XKR9: variants seen among roughly 807,000 people sequenced by gnomAD.
XKR9 encodes the protein XK-related protein 9.
XKR9 carries 32 observed loss-of-function variants against 32.0 expected under a neutral mutation model. The ratio of observed to expected loss-of-function variants is 1.00; its 90% CI spans 0.76 to 1.34. The LOEUF (loss-of-function observed/expected upper bound fraction) is 1.34. XKR9 is among the 40% of genes most tolerant of loss of function. The pLI is 0.00. For missense variants in XKR9, 546 were observed against 429.7 expected, an observed-to-expected ratio of 1.27 and a Z score of -2.39; for synonymous variants, 168 against 143.4, an observed-to-expected ratio of 1.17 and a Z score of -1.22.
At chr8:70,835,823 T>C in the XKR9 span, among the ~76,000 whole-genome samples, 1 of 152,098 alleles carries the variant, frequency 6.6e-6, no homozygotes, top group African/African-American at 2.4e-5. Context: ...TGAGAGATTC[T>C]AGAGAAGATT....
At chr8:70,798,773 C>A in the XKR9 span, among the ~76,000 whole-genome samples, 39 of 152,200 alleles carry the variant, frequency 2.6e-4, no homozygotes, top group African/African-American at 9.4e-4. Context: ...CATGGCTAGC[C>A]AGTTATCCTA....
chr8:70,831,147 C>T, the XKR9 span, among the ~76,000 whole-genome samples: 14 of 151,944 alleles, frequency 9.2e-5, no homozygotes, highest in East Asian at 5.8e-4. Flanking sequence ...GAAAATTAGC[C>T]GGATGTGGTG....
chr8:70,905,555 T>A, the XKR9 span, among the ~76,000 whole-genome samples: 2 of 152,220 alleles, frequency 1.3e-5, no homozygotes, highest in East Asian at 3.9e-4. Flanking sequence ...TTCCTTGTGA[T>A]GAGTTCAGAC....
chr8:70,904,046 G>A, the XKR9 span, among the ~76,000 whole-genome samples: 1,125 of 152,198 alleles, frequency 7.4e-3, 14 homozygotes, highest in African/African-American at 0.022. Context: ...CAACTATGTC[G>A]TCAATATTGG....
At chr8:70,873,031 C>G in the XKR9 span, among the ~76,000 whole-genome samples, 2 of 152,120 alleles carry the variant, frequency 1.3e-5, no homozygotes, top group African/African-American at 2.4e-5. Flanking sequence ...AAGATTGGTG[C>G]TGAATTGACT....
chr8:70,857,152 A>C, the XKR9 span, among the ~76,000 whole-genome samples: 9,565 of 152,224 alleles, frequency 0.063, 419 homozygotes, highest in Non-Finnish European at 0.089. Flanking sequence ...ATAGAGACAC[A>C]AAAAACCCTT....
intron 2 of XKR9, among the ~76,000 whole-genome samples, chr8:70,769,863 T>G (rs1191918905): frequency 6.6e-6 from 1 of 152,098 alleles, no homozygotes; most frequent in Non-Finnish European, 1.5e-5. Flanking sequence ...GGTTCTTAGC[T>G]TCCTTGCATT....
the XKR9 span, among the ~76,000 whole-genome samples, chr8:70,818,841 A>G: frequency 6.6e-6 from 1 of 152,228 alleles, no homozygotes; most frequent in East Asian, 1.9e-4. Context: ...GCAGTTTGGC[A>G]AGACCAAGTC....
intron 3 of XKR9, among the ~76,000 whole-genome samples, chr8:70,702,044 C>T (rs1805556029): frequency 1.3e-5 from 2 of 152,078 alleles, no homozygotes; most frequent in African/African-American, 4.8e-5. Flanking sequence ...AGTTGAATCT[C>T]CCTCCTCCCA....
intron 2 of XKR9, among the ~76,000 whole-genome samples, chr8:70,752,661 C>A (rs1807158718): frequency 6.6e-6 from 1 of 152,140 alleles, no homozygotes; most frequent in Non-Finnish European, 1.5e-5. Context: ...CAAACCATAG[C>A]AAAGTCCAAT....
chr8:70,753,447 G>C lies in XKR9; in HGVS notation n.353-35892G>C, dbSNP rs1459745103. ...AGCATCATCCGGATACCAAAGCCTG[G>C]CAGAGACACAACCAAAAAAGAGAAT... On this transcript the variant is annotated intron_variant and non_coding_transcript_variant, in intron 2 of 3. Transcript: ENST00000520273. Among the ~76,000 whole-genome samples, 4 of 152,206 alleles carry C rather than the reference G, an allele frequency of 2.6e-5. No homozygotes were observed. The East Asian group carries it at 7.7e-4, about 29-fold the overall frequency.
chr8:70,708,211 T>TA (rs1805788170), intron 4 of XKR9, among the ~76,000 whole-genome samples: 1 of 152,060 alleles, frequency 6.6e-6, no homozygotes, highest in Non-Finnish European at 1.5e-5. Context: ...TTCTATATGA[T>TA]ACGGAACCCT....
the XKR9 span, among the ~76,000 whole-genome samples, chr8:71,004,339 A>T: frequency 0.42 from 64,534 of 151,982 alleles, 14,745 homozygotes; most frequent in Non-Finnish European, 0.52. Flanking sequence ...TTAGCAGCTT[A>T]TTTGCCCCCA....
At chr8:70,777,139 A>G (rs1462897711) in intron 2 of XKR9, among the ~76,000 whole-genome samples, 1 of 150,952 alleles carries the variant, frequency 6.6e-6, no homozygotes, top group African/African-American at 2.4e-5. Flanking sequence ...CCCTTGTGTG[A>G]TGTTCCCCTC....
the XKR9 span, among the ~76,000 whole-genome samples, chr8:70,998,672 T>C: frequency 0.32 from 48,493 of 152,150 alleles, 9,063 homozygotes; most frequent in Non-Finnish European, 0.43. Flanking sequence ...TCAATACAGA[T>C]TCCTAAACTC....
At chr8:70,692,906 T>C (rs892125069) in intron 3 of XKR9, among the ~76,000 whole-genome samples, 5 of 152,168 alleles carry the variant, frequency 3.3e-5, no homozygotes, top group African/African-American at 1.2e-4. Flanking sequence ...TGAGGTATGT[T>C]CCTTCAATAC....
At chr8:71,032,300 A>T in the XKR9 span, among the ~76,000 whole-genome samples, 98 of 149,038 alleles carry the variant, frequency 6.6e-4, 2 homozygotes, top group Non-Finnish European at 4.6e-4. Flanking sequence ...AAAAAAAAAA[A>T]AAAAAAAACC....
the XKR9 span, among the ~76,000 whole-genome samples, chr8:70,945,603 T>C: frequency 6.6e-6 from 1 of 152,038 alleles, no homozygotes; most frequent in East Asian, 1.9e-4. Flanking sequence ...ATCAAAGGCG[T>C]CTAGACACTA....
chr8:70,938,961 T>A, the XKR9 span, among the ~76,000 whole-genome samples: 1 of 145,166 alleles, frequency 6.9e-6, no homozygotes, highest in East Asian at 2.0e-4. Context: ...GGTTTTAGGT[T>A]TAGAGGTGGG....
Sources: gnomAD v4.1 joint callset for allele counts (sites outside exome capture counted in the v4.1 genomes callset) on GRCh38, gnomAD v4.1.1 for gene constraint, MANE v1.5 for transcripts, NCBI Gene and HGNC (gene_info 2026-07-23, HGNC 2026-07-21) for gene names.